HIPK2: variants seen among roughly 807,000 people sequenced by gnomAD.
The protein encoded by HIPK2 is homeodomain-interacting protein kinase 2.
A neutral mutation model predicts 113.7 loss-of-function variants in HIPK2; 27 were observed. That is an observed-to-expected ratio of 0.24 (90% confidence interval 0.17 to 0.33). HIPK2 has a LOEUF of 0.33. Among genes scored for constraint, HIPK2 ranks in the 10% least tolerant of loss-of-function variants. HIPK2 has a pLI of 1.00. For missense variants in HIPK2, 1,257 were observed against 1,588.0 expected, an observed-to-expected ratio of 0.79 and a Z score of 3.54; for synonymous variants, 631 against 642.2, an observed-to-expected ratio of 0.98 and a Z score of 0.26.
At position 139,614,596 on chromosome 7, in the gene HIPK2, A is replaced by G. The variant is rs1799967477; in HGVS notation, c.1783-103T>C. On this transcript the variant is annotated intron_variant, in intron 7 of 14. Coordinates refer to ENST00000406875, the MANE Select transcript of HIPK2 (RefSeq NM_022740.5). The stretch of plus-strand genomic sequence containing the variant: ...CTAAATCAAATAAATGAACTCAAAG[A>G]AGAACAAACAAACAAAAACTAAGAG... 9 of 803,208 alleles carry G rather than the reference A, an allele frequency of 1.1e-5. No individual in the cohort carries two copies. In the Admixed American group the frequency reaches 1.7e-4, roughly 15 times the overall value. The allele number at this position is 803,208 out of a possible 1,614,324, so 49.8% of individuals were successfully genotyped here. A position where few individuals can be genotyped will look rare whatever the true frequency, so the allele number is the denominator to read the frequency against.
At chr7:139,727,323 C>T (rs1415860530) in intron 1 of HIPK2, among the ~76,000 whole-genome samples, 3 of 152,024 alleles carry the variant, frequency 2.0e-5, no homozygotes, top group Non-Finnish European at 4.4e-5. Context: ...GGGAATGAGC[C>T]AATAGCCCTC....
intron 2 of HIPK2, among the ~76,000 whole-genome samples, chr7:139,670,362 T>C (rs1361067859): frequency 1.3e-5 from 2 of 151,582 alleles, no homozygotes; most frequent in African/African-American, 4.9e-5. Context: ...AGAGGGAGGA[T>C]CATTTGAGGC....
chr7:139,685,213 C>G (rs540756725), intron 2 of HIPK2, among the ~76,000 whole-genome samples: 4 of 152,310 alleles, frequency 2.6e-5, no homozygotes, highest in Non-Finnish European at 5.9e-5. Context: ...CTCTGTCGCT[C>G]AGGCTGGAGG....
At chr7:139,594,124 C>T (rs1310183165) in intron 12 of HIPK2, among the ~76,000 whole-genome samples, 8 of 152,134 alleles carry the variant, frequency 5.3e-5, no homozygotes, top group East Asian at 1.9e-4. Flanking sequence ...AATTTGCAAC[C>T]GCACCTCCTC....
intron 12 of HIPK2, among the ~76,000 whole-genome samples, chr7:139,591,846 T>A (rs1301327254): frequency 6.6e-6 from 1 of 152,262 alleles, no homozygotes; most frequent in East Asian, 1.9e-4. Flanking sequence ...TTCCCACGTC[T>A]CCATGAGCAT....
At chr7:139,623,336 C>A (rs1156855378) in intron 6 of HIPK2, among the ~76,000 whole-genome samples, 3 of 151,878 alleles carry the variant, frequency 2.0e-5, no homozygotes, top group African/African-American at 7.3e-5. Context: ...CATGGGGAAA[C>A]CCTGTCTCTA....
At position 139,587,792 on chromosome 7, in the gene HIPK2, G is replaced by C. The variant is rs187349612; in HGVS notation, c.2718-3728C>G. ...GCTCGGGAGACTGAGGCAGGAAGAT[G>C]GCTTGAGCCCAGGAGTTTGAGGCTG... On this transcript the variant is annotated intron_variant, in intron 12 of 14. Transcript: ENST00000406875. Among the ~76,000 whole-genome samples, 188 of 151,570 alleles carry C rather than the reference G, an allele frequency of 1.2e-3. 1 individual carries two copies. Among genetic ancestry groups the C allele is most frequent in the African/African-American group, 4.0e-3 (166 of 41,368 alleles).
intron 1 of HIPK2, among the ~76,000 whole-genome samples, chr7:139,766,344 A>G (rs1210666913): frequency 6.6e-6 from 1 of 152,222 alleles, no homozygotes; most frequent in African/African-American, 2.4e-5. Context: ...TCTCAGTAAG[A>G]GTATTCCTGA....
chr7:139,626,981 G>A (rs1800454986), intron 5 of HIPK2, among the ~76,000 whole-genome samples, 196 bp from the exon 6 acceptor site: 1 of 152,316 alleles, frequency 6.6e-6, no homozygotes, highest in Middle Eastern at 3.4e-3. Context: ...CTCTCTGCAG[G>A]AAAGGCAGAG....
chr7:139,771,172 T>A (rs1003121854), intron 1 of HIPK2, among the ~76,000 whole-genome samples: 7 of 152,144 alleles, frequency 4.6e-5, no homozygotes, highest in African/African-American at 1.4e-4. Flanking sequence ...TGACTCAGAA[T>A]CTATAACGAA....
intron 2 of HIPK2, among the ~76,000 whole-genome samples, chr7:139,702,038 C>T (rs1202447927): frequency 2.6e-5 from 4 of 152,086 alleles, no homozygotes; most frequent in Non-Finnish European, 2.9e-5. Flanking sequence ...AGGGAGCACA[C>T]GAGGAGCAGA....
In HIPK2 at chr7:139,683,327, T is replaced by C. The variant is rs1477662826; in HGVS notation, c.1103+32605A>G. Among the ~76,000 whole-genome samples, 2 of 152,226 alleles carry C rather than the reference T, an allele frequency of 1.3e-5. No individual in the cohort carries two copies. The highest frequency in any genetic ancestry group is 2.9e-5 in the Non-Finnish European group (2 of 68,044). ...AATAACCATTACTTCATGGTTGCTC[T>C]AGGCCAGTGCTTCAGCAGCGGCCTA... On this transcript the variant is annotated intron_variant, in intron 2 of 14. Transcript: ENST00000406875. This position sits in a 1 kb window ranked among gnomAD's most constrained non-coding sequence, Gnocchi z 4.2.
intron 2 of HIPK2, among the ~76,000 whole-genome samples, chr7:139,707,790 G>T (rs1244767265): frequency 6.6e-6 from 1 of 152,250 alleles, no homozygotes; most frequent in Non-Finnish European, 1.5e-5. Context: ...TGGCTACAGG[G>T]AGAGTTCAGC....
rs1296763535 is a variant in HIPK2 at position 139,714,058 on chromosome 7, G to A, written c.1103+1874C>T. On this transcript the variant is annotated intron_variant, in intron 2 of 14. Coordinates refer to ENST00000406875, the MANE Select transcript of HIPK2 (RefSeq NM_022740.5). The surrounding 1 kb of genome is among the most constrained non-coding windows in gnomAD (Gnocchi z 4.2). ...CTCTGGGGCCAGCGGGGCACAGAGT[G>A]GATGGCCTGGTCAGGACGAGGGAGT... 2.0e-5 allele frequency among the ~76,000 whole-genome samples: 3 copies of A among 152,200 alleles called. No individual in the cohort carries two copies. The highest frequency in any genetic ancestry group is 4.4e-5 in the Non-Finnish European group (3 of 68,030).
intron 2 of HIPK2, among the ~76,000 whole-genome samples, chr7:139,634,317 T>A (rs1199216597): frequency 6.6e-6 from 1 of 151,968 alleles, no homozygotes; most frequent in Non-Finnish European, 1.5e-5. Context: ...CAGCTGCCAG[T>A]GTTCTGCTTG....
chr7:139,583,827 G>A lies in HIPK2; in HGVS notation c.2955C>T (p.Ser985=), dbSNP rs1356008053. The change falls in exon 13 of 15, where the codon AGC becomes AGT. Residue 985 remains serine (S), a synonymous_variant. Transcript: ENST00000406875. ...QASEVLVECD[S]LVPVNTSHHS... is the part of the protein sequence containing the mutation. ...CTGGCCCCAAATTACCTGGCACCAG[G>A]CTATCACACTCCACCAATACTTCGC... 3.1e-6 allele frequency: 5 copies of A among 1,610,916 alleles called. No homozygotes were observed. Among genetic ancestry groups the A allele is most frequent in the Non-Finnish European group, 3.4e-6 (4 of 1,178,588 alleles).
chr7:139,659,862 G>A (rs535216314), intron 2 of HIPK2, among the ~76,000 whole-genome samples: 1 of 152,264 alleles, frequency 6.6e-6, no homozygotes, highest in South Asian at 2.1e-4. Context: ...CCATCATACA[G>A]GCATATAGCT....
chr7:139,633,160 C>T (rs1800683069), intron 2 of HIPK2, among the ~76,000 whole-genome samples: 1 of 148,478 alleles, frequency 6.7e-6, no homozygotes, highest in African/African-American at 2.5e-5. Flanking sequence ...TAATGAAATG[C>T]ATTAGCCTGA....
At chr7:139,687,311 G>A (rs993820635) in intron 2 of HIPK2, among the ~76,000 whole-genome samples, 3 of 151,944 alleles carry the variant, frequency 2.0e-5, no homozygotes, top group African/African-American at 7.3e-5. Context: ...ATACAAATGA[G>A]GTAAGTACAA....
Sources: gnomAD v4.1 joint callset for allele counts (sites outside exome capture counted in the v4.1 genomes callset) on GRCh38, gnomAD v4.1.1 for gene constraint, Gnocchi (gnomAD v3.1) non-coding constraint, MANE v1.5 for transcripts, NCBI Gene and HGNC (gene_info 2026-07-23, HGNC 2026-07-21) for gene names.